Variants in DLG2 observed in about 807,000 individuals in gnomAD.
The protein encoded by DLG2 is disks large homolog 2.
Under a neutral mutation model 132.5 loss-of-function variants are expected in DLG2, and 45 were observed. The ratio of observed to expected loss-of-function variants is 0.34; its 90% CI spans 0.27 to 0.44. DLG2 has a LOEUF of 0.44. Ranked by LOEUF, DLG2 falls within the 20% of genes least tolerant of loss-of-function variation. The probability of loss-of-function intolerance (pLI) is 1.00; values close to 1 mark genes in which losing one functional copy is unlikely to be tolerated. For missense variants in DLG2, 1,045 were observed against 1,196.9 expected (o/e 0.87, Z 1.87); for synonymous variants, 424 against 419.6 (o/e 1.01, Z -0.13).
intron 7 of DLG2, among the ~76,000 whole-genome samples, chr11:84,508,292 C>T (rs370279986): frequency 2.0e-5 from 3 of 151,904 alleles, no homozygotes; most frequent in African/African-American, 7.2e-5. Flanking sequence ...GGCCTCAAGG[C>T]GTTTTTATTA....
intron 5 of DLG2, among the ~76,000 whole-genome samples, chr11:85,130,062 G>T (rs534782550): frequency 6.6e-6 from 1 of 152,026 alleles, no homozygotes; most frequent in Admixed American, 6.6e-5. Flanking sequence ...TTTGAGGGGT[G>T]GGGGGCAAGA....
intron 6 of DLG2, among the ~76,000 whole-genome samples, chr11:84,728,977 C>T (rs997327759): frequency 2.0e-5 from 3 of 152,010 alleles, no homozygotes; most frequent in African/African-American, 7.2e-5. Context: ...TGATTCTTCT[C>T]TCTTTTCTTC....
At chr11:85,515,164 TTAAC>T (rs1455585150) in intron 3 of DLG2, among the ~76,000 whole-genome samples, 1 of 151,952 alleles carries the variant, frequency 6.6e-6, no homozygotes, top group Admixed American at 6.6e-5. Context: ...AGAGTCACGT[TTAAC>T]TAACTAATTT....
chr11:83,762,226 G>A (rs912449325), intron 18 of DLG2, among the ~76,000 whole-genome samples: 8 of 152,244 alleles, frequency 5.3e-5, no homozygotes, highest in Non-Finnish European at 1.2e-4. Flanking sequence ...CTTTATTCCC[G>A]CCAGTTTCTA....
intron 6 of DLG2, among the ~76,000 whole-genome samples, chr11:84,619,748 C>CT (rs35449088): frequency 5.3e-5 from 8 of 151,446 alleles, no homozygotes; most frequent in Admixed American, 2.6e-4. Context: ...AAAATTAATG[C>CT]TTTTTTTAAA....
intron 6 of DLG2, among the ~76,000 whole-genome samples, chr11:84,834,343 A>G (rs1193215892): frequency 6.6e-6 from 1 of 151,608 alleles, no homozygotes; most frequent in African/African-American, 2.4e-5. Context: ...TTTCCAGCTG[A>G]GGTAAACTTT....
intron 19 of DLG2, among the ~76,000 whole-genome samples, chr11:83,602,373 G>A (rs1455891484): frequency 6.6e-6 from 1 of 152,200 alleles, no homozygotes; most frequent in African/African-American, 2.4e-5. Flanking sequence ...ACAGCACCAT[G>A]CCGGCAGTGG....
At chr11:84,764,387 T>C (rs1406988552) in intron 6 of DLG2, among the ~76,000 whole-genome samples, 1 of 152,148 alleles carries the variant, frequency 6.6e-6, no homozygotes, top group Non-Finnish European at 1.5e-5. Context: ...CTGCCCTCTA[T>C]AGAGTTCTGC....
intron 7 of DLG2, among the ~76,000 whole-genome samples, chr11:84,260,551 TAGTGAGAGGAA>T (rs1008910012): frequency 2.0e-5 from 3 of 152,174 alleles, no homozygotes; most frequent in African/African-American, 7.2e-5. Flanking sequence ...TTAATTTCCA[TAGTGAGAGGAA>T]AGGGAACTAA....
chr11:85,128,163 C>T (rs140064054), intron 5 of DLG2, among the ~76,000 whole-genome samples: 3 of 152,098 alleles, frequency 2.0e-5, no homozygotes, highest in African/African-American at 7.2e-5. Flanking sequence ...TACCATCATG[C>T]CTTTATTAAC....
chr11:85,242,587 C>G (rs2075941297), intron 4 of DLG2, among the ~76,000 whole-genome samples: 1 of 151,754 alleles, frequency 6.6e-6, no homozygotes, highest in Admixed American at 6.6e-5. Context: ...AGGAATTTCT[C>G]TTTGCTTTCA....
intron 3 of DLG2, among the ~76,000 whole-genome samples, chr11:85,343,679 C>T (rs996527754): frequency 6.6e-6 from 1 of 151,978 alleles, no homozygotes; most frequent in African/African-American, 2.4e-5. Flanking sequence ...CACACACACA[C>T]ATATACACAC....
At chr11:83,934,827 T>C (rs2081107581) in intron 14 of DLG2, among the ~76,000 whole-genome samples, 1 of 152,092 alleles carries the variant, frequency 6.6e-6, no homozygotes, top group African/African-American at 2.4e-5. Flanking sequence ...ATTACTTTCC[T>C]CAATGCAAGA....
chr11:83,791,661 C>T (rs2041590460), intron 17 of DLG2: 1 of 320,090 alleles, frequency 3.1e-6, no homozygotes, highest in Non-Finnish European at 5.9e-6. Flanking sequence ...CAGCCGGGCG[C>T]GGTGGCTCAC....
chr11:83,820,083 A>G (rs1253498848), intron 17 of DLG2, among the ~76,000 whole-genome samples: 1 of 152,152 alleles, frequency 6.6e-6, no homozygotes, highest in Non-Finnish European at 1.5e-5. Context: ...ACTAGTATGA[A>G]AACTGGGCAA....
At chr11:83,625,078 A>G (rs1344708915) in intron 19 of DLG2, among the ~76,000 whole-genome samples, 1 of 152,212 alleles carries the variant, frequency 6.6e-6, no homozygotes, top group Non-Finnish European at 1.5e-5. Flanking sequence ...GATCTTGCTA[A>G]ATAAGAATTA....
chr11:83,856,193 C>A (rs113642344), intron 16 of DLG2, among the ~76,000 whole-genome samples: 3 of 152,214 alleles, frequency 2.0e-5, no homozygotes, highest in African/African-American at 7.2e-5. Flanking sequence ...GCATATAATT[C>A]ATGGTGTGTA....
chr11:84,409,366 C>T (rs1360468168), intron 7 of DLG2, among the ~76,000 whole-genome samples: 1 of 152,124 alleles, frequency 6.6e-6, no homozygotes, highest in Non-Finnish European at 1.5e-5. Flanking sequence ...GAGTGGAATC[C>T]TAAACTTTTG....
At chr11:85,230,857 G>T (rs192426464) in intron 4 of DLG2, among the ~76,000 whole-genome samples, 1 of 151,986 alleles carries the variant, frequency 6.6e-6, no homozygotes, top group Admixed American at 6.6e-5. Context: ...GTTTCAGGGA[G>T]TTTGATAGTC....
Sources: gnomAD v4.1 joint callset for allele counts (sites outside exome capture counted in the v4.1 genomes callset) on GRCh38, gnomAD v4.1.1 for gene constraint, MANE v1.5 for transcripts, NCBI Gene and HGNC (gene_info 2026-07-23, HGNC 2026-07-21) for gene names.